Variants in CUBN observed in about 807,000 individuals in gnomAD.
CUBN encodes cubilin.
Under a neutral mutation model 405.3 loss-of-function variants are expected in CUBN, and 282 were observed. That is an observed-to-expected ratio of 0.70 (90% CI 0.63 to 0.77). CUBN has a LOEUF of 0.77. CUBN is among the 30% of genes least tolerant of loss of function. The pLI is 0.00. For missense variants in CUBN, 4,514 were observed against 4,475.2 expected (o/e 1.01, Z -0.25); for synonymous variants, 1,684 against 1,617.0 (o/e 1.04, Z -0.99).
chr10:16,984,246 T>G lies in CUBN; in HGVS notation c.4384A>C (p.Ile1462Leu). ...GATCTCTGGGTACACAGTTGGGCTA[T>G]TCTGGGAGAGTGGAAATCGGGGCCT... ...YGGPDFHSPR[I>L]AQLCTQRSPE... Residue 1462 changes from isoleucine to leucine, a missense_variant, in exon 30 of 67, where the codon ATA (isoleucine) becomes CTA (leucine). Ile to Leu is a conservative substitution (Grantham distance 5, BLOSUM62 2). Around this residue, in one of 5 missense-constraint regions of CUBN, gnomAD observed 1,613 missense variants for 1,542.8 expected, o/e 1.05. Coordinates refer to ENST00000377833, the MANE Select transcript of CUBN (RefSeq NM_001081.4). 1.1e-5 allele frequency: 17 copies of G among 1,614,138 alleles called. No homozygotes were observed. The highest frequency in any genetic ancestry group is 1.3e-5 in the African/African-American group (1 of 75,026).
At position 17,044,994 on chromosome 10, in the gene CUBN, A is replaced by C; in HGVS notation, c.3672+13T>G. On this transcript the variant is annotated intron_variant, in intron 25 of 66. Coordinates refer to ENST00000377833, the MANE Select transcript of CUBN (RefSeq NM_001081.4). ...GGGAGCAGGGAACAATATGATGGAA[A>C]CATTATACATACAGCCAGGTAATCT... 1 of 1,612,444 alleles carries C rather than the reference A, an allele frequency of 6.2e-7. No individual in the cohort carries two copies. The highest frequency in any genetic ancestry group is 8.5e-7 in the Non-Finnish European group (1 of 1,178,514).
In CUBN at chr10:17,110,903, TG is replaced by T. The variant is rs773272896; in HGVS notation, c.1015+15del. On this transcript the variant is annotated intron_variant, in intron 9 of 66. Coordinates refer to ENST00000377833, the MANE Select transcript of CUBN (RefSeq NM_001081.4). ...TGTGCTGGGGTCAGGAGGTTGACAT[TG>T]AACCGAGGCAGCACCTGGTGGACAG... The T allele has an allele frequency of 1.2e-6, 2 of 1,614,152 alleles. No homozygotes were observed. Among genetic ancestry groups the T allele is most frequent in the South Asian group, 2.2e-5 (2 of 91,076 alleles).
intron 48 of CUBN, among the ~76,000 whole-genome samples, chr10:16,910,014 C>T (rs556876632): frequency 6.6e-6 from 1 of 152,330 alleles, no homozygotes; most frequent in East Asian, 1.9e-4. Context: ...CTCCTCTGCA[C>T]CAGCAGATCT....
Position 16,915,970 on chromosome 10 carries a change from G to A in CUBN, c.7061C>T (p.Thr2354Ile). 4.3e-6 allele frequency: 7 copies of A among 1,614,124 alleles called. No homozygotes were observed. The highest frequency in any genetic ancestry group is 5.9e-6 in the Non-Finnish European group (7 of 1,180,018). Residue 2354 changes from threonine (T) to isoleucine (I), a missense_variant, in exon 46 of 67, where the codon ACA (threonine) becomes ATA (isoleucine). Physicochemically the swap from Thr to Ile is moderately conservative, Grantham distance 89 (BLOSUM62 -1). Coordinates refer to ENST00000377833, the MANE Select transcript of CUBN (RefSeq NM_001081.4). ...GAATAAGTTGTCTCTGTATGGAAGT[G>A]TTGGATGTCCAATGCTTTCAACAAC... The part of the protein sequence containing the change: ...SGVVESIGHP[T>I]LPYRDNLFCE...
chr10:17,070,465 A>G (rs1835715356), intron 19 of CUBN, among the ~76,000 whole-genome samples: 1 of 152,160 alleles, frequency 6.6e-6, no homozygotes, highest in Admixed American at 6.5e-5. Context: ...GAGTATTGCC[A>G]TCTTAACAAT....
chr10:16,889,938 A>AAAAAAAAAAAAAAAAAAAAAAAAC lies in CUBN; in HGVS notation c.8755+432_8755+433insGTTTTTTTTTTTTTTTTTTTTTTT, dbSNP rs1554788545. On this transcript the variant is annotated intron_variant, in intron 55 of 66. Coordinates refer to ENST00000377833, the MANE Select transcript of CUBN (RefSeq NM_001081.4). Reference sequence around the variant, plus strand: ...GCGACAGAGTGAGACGCCGTGTCAAAAAAAAAAAAAAAAAACAGGAAAGAC... The same window carrying AAAAAAAAAAAAAAAAAAAAAAAAC: ...GCGACAGAGTGAGACGCCGTGTCAAAAAAAAAAAAAAAAAAAAAAAAAACAAAAAAAAAAAAAAACAGGAAAGAC... 9.3e-5 allele frequency among the ~76,000 whole-genome samples: 12 copies of AAAAAAAAAAAAAAAAAAAAAAAAC among 129,520 alleles called. 1 individual carries two copies. Among genetic ancestry groups the AAAAAAAAAAAAAAAAAAAAAAAAC allele is most frequent in the African/African-American group, 3.7e-4 (12 of 32,586 alleles). 85.0% of individuals were successfully genotyped at this position (129,520 alleles called of 152,430 possible).
rs2603803 is a variant in CUBN, at chr10:16,828,626, G to A, written c.10764+179C>T. On this transcript the variant is annotated intron_variant, in intron 66 of 66. Transcript: ENST00000377833. ...CCAGCTACTCAGGAGGCTGAGGCAG[G>A]AGAATTGCTTGAACCCAGGAGGCGG... 0.15 allele frequency among the ~76,000 whole-genome samples: 23,289 copies of A among 151,904 alleles called. 2,054 individuals carry two copies. The highest frequency in any genetic ancestry group is 0.35 in the East Asian group (1,782 of 5,136).
intron 27 of CUBN, among the ~76,000 whole-genome samples, chr10:17,024,325 C>T (rs574119918): frequency 1.3e-5 from 2 of 152,220 alleles, no homozygotes; most frequent in South Asian, 4.2e-4. Context: ...CCCCACCTGT[C>T]CCCTCAGTAG....
intron 59 of CUBN, among the ~76,000 whole-genome samples, chr10:16,868,848 T>G (rs946620203): frequency 6.6e-6 from 1 of 152,178 alleles, no homozygotes; most frequent in African/African-American, 2.4e-5. Flanking sequence ...TAAACAGGTC[T>G]TCCAACTTAA....
chr10:16,869,938 A>G, intron 58 of CUBN, 85 bp from the exon 59 acceptor site: 2 of 940,486 alleles, frequency 2.1e-6, no homozygotes, highest in Non-Finnish European at 1.7e-6. Context: ...AAAAATGACA[A>G]GGAAAAAACT....
intron 28 of CUBN, among the ~76,000 whole-genome samples, chr10:17,018,962 G>A (rs377291218): frequency 2.6e-5 from 4 of 152,152 alleles, no homozygotes; most frequent in African/African-American, 9.6e-5. Flanking sequence ...AAGCTCAGCC[G>A]GCTTCACCTC....
chr10:16,918,512 T>A, intron 45 of CUBN, 110 bp downstream of exon 45: 1 of 811,280 alleles, frequency 1.2e-6, no homozygotes. Flanking sequence ...GCATAGTACC[T>A]GGCTGATGAA....
intron 65 of CUBN, among the ~76,000 whole-genome samples, chr10:16,830,642 A>C (rs1838960319): frequency 6.6e-6 from 1 of 152,200 alleles, no homozygotes; most frequent in Non-Finnish European, 1.5e-5. Flanking sequence ...TTTTTCTTTA[A>C]ATTCTCAAAG....
rs75010321 is a variant in CUBN, at chr10:16,893,173, G to A, written c.8599-2646C>T. Among the ~76,000 whole-genome samples, 1,491 of 152,248 alleles carry A rather than the reference G, an allele frequency of 9.8e-3. 13 individuals are homozygous for A. The highest frequency in any genetic ancestry group is 0.017 in the South Asian group (83 of 4,824). On this transcript the variant is annotated intron_variant, in intron 54 of 66. Coordinates refer to ENST00000377833, the MANE Select transcript of CUBN (RefSeq NM_001081.4). ...GTGTTCTATATAATTCAGTCAGGTT[G>A]TAGGTTATATTTTATCATTCAACTA...
intron 31 of CUBN, among the ~76,000 whole-genome samples, chr10:16,966,525 T>C (rs1184375808): frequency 6.6e-6 from 1 of 152,026 alleles, no homozygotes; most frequent in Non-Finnish European, 1.5e-5. Flanking sequence ...CTCGGCTCAC[T>C]GTAGCCTCTG....
intron 58 of CUBN, among the ~76,000 whole-genome samples, chr10:16,872,749 A>G (rs964988178): frequency 1.1e-4 from 17 of 152,208 alleles, no homozygotes; most frequent in African/African-American, 4.1e-4. Flanking sequence ...ACATATGAGA[A>G]ACAAATAGTG....
At chr10:17,106,037 C>A (rs1836621872) in intron 10 of CUBN, among the ~76,000 whole-genome samples, 3 of 152,210 alleles carry the variant, frequency 2.0e-5, no homozygotes, top group Non-Finnish European at 4.4e-5. Context: ...GTAATCCCAG[C>A]AGTTTGGGAG....
intron 17 of CUBN, among the ~76,000 whole-genome samples, chr10:17,073,798 G>A (rs1835792335): frequency 6.6e-6 from 1 of 152,110 alleles, no homozygotes; most frequent in Non-Finnish European, 1.5e-5. Context: ...ATGGACTTGG[G>A]TTCAAAACCT....
intron 6 of CUBN, among the ~76,000 whole-genome samples, chr10:17,118,185 T>C (rs572090313): frequency 6.6e-6 from 1 of 152,256 alleles, no homozygotes; most frequent in Admixed American, 6.5e-5. Flanking sequence ...GTTTAGATGA[T>C]GTGAGAAGAT....
Sources: allele counts gnomAD v4.1 joint callset (sites outside exome capture counted in the v4.1 genomes callset), GRCh38; gene constraint gnomAD v4.1.1; regional missense constraint gnomAD v4.1.1; transcripts MANE v1.5; gene names NCBI Gene and HGNC (gene_info 2026-07-23, HGNC 2026-07-21).